USP33: variants seen among roughly 807,000 people sequenced by gnomAD.
USP33 encodes ubiquitin specific peptidase 33.
USP33 carries 46 observed loss-of-function variants against 124.2 expected under a neutral mutation model. The observed-to-expected ratio is 0.37, with a 90% CI of 0.29 to 0.47. The LOEUF is 0.47. USP33 is among the 20% of genes least tolerant of loss of function. USP33 has a pLI of 0.99. For synonymous variants in USP33, 350 were observed against 352.3 expected, an observed-to-expected ratio of 0.99 and a Z score of 0.07; for missense variants, 851 against 1,070.6, an observed-to-expected ratio of 0.79 and a Z score of 2.86.
rs146048342 is a variant in USP33, at chr1:77,729,872, C to T, written c.705G>A (p.Gly235=). Residue 235 remains glycine (G), a synonymous_variant, in exon 9 of 24, where the codon GGG becomes GGA. Coordinates refer to ENST00000370794, the MANE Select transcript of USP33 (RefSeq NM_201624.3). ...GIKTVNPTFR[G]YSQQDAQEFL... is the part of the protein sequence containing the mutation. Reference sequence around the variant, plus strand: ...GCAATAAACTAACCTGCTGAGAATACCCCCGAAATGTTGGATTTACAGTTT... The same window carrying T: ...GCAATAAACTAACCTGCTGAGAATATCCCCGAAATGTTGGATTTACAGTTT... 489 of 1,613,496 alleles carry T rather than the reference C, an allele frequency of 3.0e-4. 4 individuals are homozygous for T. In the East Asian group the frequency reaches 9.2e-3, roughly 30 times the overall value.
At chr1:77,728,155 TA>T in intron 10 of USP33, 139 bp downstream of exon 10, 1 of 896,734 alleles carries the variant, frequency 1.1e-6, no homozygotes, top group Non-Finnish European at 1.6e-6. Context: ...TCGGGTTCTA[TA>T]ATTTTATGAC....
rs1392147574 is a variant in USP33, at chr1:77,717,887, C to T, written c.1898G>A (p.Cys633Tyr). The T allele has an allele frequency of 6.2e-7, 1 of 1,609,922 alleles. No homozygotes were observed. The highest frequency in any genetic ancestry group is 8.5e-7 in the Non-Finnish European group (1 of 1,178,574). Residue 633 changes from cysteine to tyrosine, a missense_variant, in exon 17 of 24, where the codon TGC becomes TAC. Transcript: ENST00000370794. The part of the protein sequence containing the change: ...IVTYDLLSVI[C>Y]HHGTASSGHY... Reference sequence around the variant, plus strand: ...CTTACTACTTGCAGTTCCATGATGGCAAATGACTGACAGAAGATCATATGT... The same window carrying T: ...CTTACTACTTGCAGTTCCATGATGGTAAATGACTGACAGAAGATCATATGT...
chr1:77,731,863 G>A (rs1478609372), intron 7 of USP33, among the ~76,000 whole-genome samples: 1 of 152,052 alleles, frequency 6.6e-6, no homozygotes, highest in Non-Finnish European at 1.5e-5. Context: ...CAATACTTTG[G>A]GAGGCCAAGG....
intron 21 of USP33, among the ~76,000 whole-genome samples, chr1:77,702,759 CT>C (rs1292198309): frequency 6.6e-6 from 1 of 151,842 alleles, no homozygotes; most frequent in Admixed American, 6.6e-5. Flanking sequence ...TAGTAAATTT[CT>C]TTTTTGCCAG....
In USP33 at chr1:77,729,557, G is replaced by A. The variant is rs528141490; in HGVS notation, c.717+303C>T. Among the ~76,000 whole-genome samples, 8 of 152,188 alleles carry A rather than the reference G, an allele frequency of 5.3e-5. No homozygotes were observed. The East Asian group carries it at 1.5e-3, about 29-fold the overall frequency. On this transcript the variant is annotated intron_variant, in intron 9 of 23. Transcript: ENST00000370794. The stretch of plus-strand genomic sequence containing the variant: ...GTGGTGGCACACATCTGCAATCCCA[G>A]TTACTCAGAAGGCTGAGGCAGGAGA...
intron 11 of USP33, among the ~76,000 whole-genome samples, chr1:77,725,309 A>T (rs757566580): frequency 1.3e-5 from 2 of 152,232 alleles, no homozygotes; most frequent in Non-Finnish European, 2.9e-5. Context: ...ACAAAGTAGT[A>T]CTATGCAGGA....
intron 1 of USP33, among the ~76,000 whole-genome samples, chr1:77,749,172 G>A (rs898658551): frequency 1.1e-4 from 16 of 152,220 alleles, no homozygotes; most frequent in African/African-American, 3.9e-4. Context: ...TGTATTTGGG[G>A]TCTATGGTGT....
chr1:77,737,059 A>C (rs1211027556), intron 5 of USP33, among the ~76,000 whole-genome samples: 1 of 152,168 alleles, frequency 6.6e-6, no homozygotes, highest in Non-Finnish European at 1.5e-5. Flanking sequence ...AAAACGAAAA[A>C]AACTTTGAGC....
chr1:77,706,296 T>A lies in USP33; in HGVS notation c.2407-4825A>T, dbSNP rs778730534. On this transcript the variant is annotated intron_variant, in intron 21 of 23. Coordinates refer to ENST00000370794, the MANE Select transcript of USP33 (RefSeq NM_201624.3). ...ATATTCATAGGAATTCCCTAATGAC[T>A]GACACTGTGTACTTTTTATGTGCTT... is the stretch of plus-strand genomic sequence containing the variant. Among the ~76,000 whole-genome samples, 77 of 152,344 alleles carry A rather than the reference T, an allele frequency of 5.1e-4. No individual in the cohort carries two copies. The Middle Eastern group carries it at 0.014, about 27-fold the overall frequency.
chr1:77,734,814 C>G (rs529624611), intron 6 of USP33, among the ~76,000 whole-genome samples: 1 of 152,222 alleles, frequency 6.6e-6, no homozygotes, highest in South Asian at 2.1e-4. Flanking sequence ...CTTTCCATTT[C>G]AACGTATTGC....
At chr1:77,752,562 T>A (rs563733566) in intron 1 of USP33, among the ~76,000 whole-genome samples, 1 of 152,252 alleles carries the variant, frequency 6.6e-6, no homozygotes, top group South Asian at 2.1e-4. Context: ...AAAAGTCAGA[T>A]TCACATTACA....
intron 17 of USP33, 42 bp from the exon 18 acceptor site, chr1:77,715,910 C>T (rs372091500): frequency 2.5e-6 from 4 of 1,587,742 alleles, no homozygotes; most frequent in Admixed American, 1.8e-5. Context: ...AATACAAAAA[C>T]AACAGAAGAA....
chr1:77,728,286 A>C lies in USP33; in HGVS notation c.1135+9T>G. 6.4e-7 allele frequency: 1 copy of C among 1,556,364 alleles called. No individual in the cohort carries two copies. The highest frequency in any genetic ancestry group is 8.6e-7 in the Non-Finnish European group (1 of 1,156,388). On this transcript the variant is annotated intron_variant, in intron 10 of 23. Transcript: ENST00000370794. ...TATCATTTTCATGAACAAACTACTA[A>C]ATTGTCACCTGAAGCTCTGCTGTGT...
intron 21 of USP33, among the ~76,000 whole-genome samples, chr1:77,706,756 C>G (rs973211851): frequency 6.6e-6 from 1 of 152,160 alleles, no homozygotes; most frequent in African/African-American, 2.4e-5. Context: ...GTAGTATATG[C>G]TCCAAATTAG....
rs140754206 is a variant in USP33, at chr1:77,753,430, C to CAA, written c.-52+6211_-52+6212dup. On this transcript the variant is annotated intron_variant, in intron 1 of 23. Coordinates refer to ENST00000370794, the MANE Select transcript of USP33 (RefSeq NM_201624.3). Reference sequence around the variant, plus strand: ...GAGTGATACCCACCCCCCATCTTTACAAAAAAAAAATAATAATTTTTTAAT... The same window carrying CAA: ...GAGTGATACCCACCCCCCATCTTTACAAAAAAAAAAAATAATAATTTTTTAAT... Among the ~76,000 whole-genome samples the CAA allele has an allele frequency of 4.5e-3, 617 of 136,904 alleles. 3 individuals are homozygous for CAA. Among genetic ancestry groups the CAA allele is most frequent in the African/African-American group, 0.016 (584 of 36,780 alleles). The allele number at this position is 136,904 out of a possible 152,430, so 89.8% of individuals were successfully genotyped here. A position where few individuals can be genotyped will look rare whatever the true frequency, so the allele number is the denominator to read the frequency against.
chr1:77,732,242 T>C (rs1677909806), intron 7 of USP33, among the ~76,000 whole-genome samples: 4 of 152,178 alleles, frequency 2.6e-5, no homozygotes, highest in South Asian at 4.1e-4. Context: ...AGTTCTCTTA[T>C]CACAGGTTTG....
chr1:77,744,867 T>A (rs1034960545), intron 1 of USP33, among the ~76,000 whole-genome samples: 1 of 152,160 alleles, frequency 6.6e-6, no homozygotes, highest in South Asian at 2.1e-4. Flanking sequence ...AAATTTGGAA[T>A]AAGTGCGACA....
chr1:77,755,238 A>G (rs1397765151), intron 1 of USP33, among the ~76,000 whole-genome samples: 2 of 152,236 alleles, frequency 1.3e-5, no homozygotes, highest in Non-Finnish European at 2.9e-5. Context: ...GCAAAAAGAA[A>G]AAAGAAAGAA....
chr1:77,708,481 G>C (rs1361420054), intron 21 of USP33, among the ~76,000 whole-genome samples: 1 of 152,144 alleles, frequency 6.6e-6, no homozygotes, highest in African/African-American at 2.4e-5. Context: ...GCGTCCTCTT[G>C]AATAATTCAC....
Sources: allele counts gnomAD v4.1 joint callset (sites outside exome capture counted in the v4.1 genomes callset), GRCh38; gene constraint gnomAD v4.1.1; transcripts MANE v1.5; gene names NCBI Gene and HGNC (gene_info 2026-07-23, HGNC 2026-07-21).